SPNS2: variants seen among roughly 807,000 people sequenced by gnomAD.
SPNS2 encodes sphingosine-1-phosphate transporter SPNS2.
SPNS2 carries 37 observed loss-of-function variants against 57.6 expected under a neutral mutation model. The observed-to-expected ratio is 0.64, with a 90% CI of 0.49 to 0.85. The LOEUF (loss-of-function observed/expected upper bound fraction) is 0.85. Among genes scored for constraint, SPNS2 ranks in the 40% least tolerant of loss-of-function variants. The pLI is 0.00. For missense variants in SPNS2, 831 were observed against 779.1 expected, an observed-to-expected ratio of 1.07 and a Z score of -0.79; for synonymous variants, 440 against 346.9, an observed-to-expected ratio of 1.27 and a Z score of -2.98.
chr17:4,530,036 C>T lies in SPNS2; in HGVS notation c.574-596C>T, dbSNP rs552919668. Among the ~76,000 whole-genome samples the T allele has an allele frequency of 3.3e-5, 5 of 152,294 alleles. No homozygotes were observed. In the South Asian group the frequency reaches 1.0e-3, roughly 32 times the overall value. ...GGGGACGGAGGGAGCAGGTCCACAT[C>T]AAAGGGGTCATGCTACCAGCAGCTG... On this transcript the variant is annotated intron_variant, in intron 3 of 12. Coordinates refer to ENST00000329078, the MANE Select transcript of SPNS2 (RefSeq NM_001124758.3).
In SPNS2 at chr17:4,499,958, G is replaced by T. The variant is rs1432220783; in HGVS notation, c.370+541G>T. On this transcript the variant is annotated intron_variant, in intron 1 of 12. Transcript: ENST00000329078. The surrounding 1 kb of genome is among the most constrained non-coding windows in gnomAD (Gnocchi z 5.2). ...TGTGTGCGCGTGGCGGCGCGGTTGT[G>T]TGTGAGCGCGTGGCTGACAAAGGCT... 6.6e-6 allele frequency among the ~76,000 whole-genome samples: 1 copy of T among 152,182 alleles called. No individual in the cohort carries two copies. The highest frequency in any genetic ancestry group is 1.5e-5 in the Non-Finnish European group (1 of 68,014).
chr17:4,519,706 C>T (rs1178497664), intron 2 of SPNS2, among the ~76,000 whole-genome samples: 1 of 151,146 alleles, frequency 6.6e-6, no homozygotes, highest in Non-Finnish European at 1.5e-5. Flanking sequence ...TCTCCTCAAA[C>T]AAACAAAGAC....
chr17:4,511,959 G>A lies in SPNS2; in HGVS notation c.371-1288G>A, dbSNP rs1238345387. ...CCACTTTTTCCTACTTCCCTGTGGT[G>A]TGACTTTGAGCCCACAGCCTGACTT... On this transcript the variant is annotated intron_variant, in intron 1 of 12. Coordinates refer to ENST00000329078, the MANE Select transcript of SPNS2 (RefSeq NM_001124758.3). This position sits in a 1 kb window ranked among gnomAD's most constrained non-coding sequence, Gnocchi z 4.6. Among the ~76,000 whole-genome samples the A allele has an allele frequency of 1.3e-5, 2 of 152,156 alleles. No individual in the cohort carries two copies. Among genetic ancestry groups the A allele is most frequent in the South Asian group, 2.1e-4 (1 of 4,828 alleles).
At chr17:4,513,539 G>A (rs890566994) in intron 2 of SPNS2, among the ~76,000 whole-genome samples, 1 of 152,214 alleles carries the variant, frequency 6.6e-6, no homozygotes, top group African/African-American at 2.4e-5. Flanking sequence ...GCCCTGAGGG[G>A]CTATGGCAGG....
In SPNS2 at chr17:4,536,827, G is replaced by A. The variant is rs752343587; in HGVS notation, c.1608-73G>A. 48 of 1,291,116 alleles carry A rather than the reference G, an allele frequency of 3.7e-5. 1 individual carries two copies. The highest frequency in any genetic ancestry group is 2.5e-4 in the Middle Eastern group (1 of 4,064). 80.0% of individuals were successfully genotyped at this position (1,291,116 alleles called of 1,614,324 possible). ...TCCGGTCAGCTGGCCCCCACGACAC[G>A]ATGTGCCAGAGCAGTGCCCGGGCCC... On this transcript the variant is annotated intron_variant, in intron 11 of 12. Transcript: ENST00000329078.
rs2144316244 is a variant in SPNS2 at position 4,510,518 on chromosome 17, G to T, written c.371-2729G>T. 6.6e-6 allele frequency among the ~76,000 whole-genome samples: 1 copy of T among 152,322 alleles called. No homozygotes were observed. The highest frequency in any genetic ancestry group is 2.1e-4 in the South Asian group (1 of 4,820). On this transcript the variant is annotated intron_variant, in intron 1 of 12. Coordinates refer to ENST00000329078, the MANE Select transcript of SPNS2 (RefSeq NM_001124758.3). This position sits in a 1 kb window ranked among gnomAD's most constrained non-coding sequence, Gnocchi z 4.4. ...GTGTGCCGCTGGATAGCTGGATACTGCAGGGAGGAAGCGAGAGTGCTTTGA... is the reference window on the plus strand; with the variant it reads ...GTGTGCCGCTGGATAGCTGGATACTTCAGGGAGGAAGCGAGAGTGCTTTGA...
chr17:4,505,404 G>A (rs374834346), intron 1 of SPNS2, among the ~76,000 whole-genome samples: 50 of 152,308 alleles, frequency 3.3e-4, no homozygotes, highest in African/African-American at 1.1e-3. Context: ...GGCTGGTGCT[G>A]TCTCTTTGTT....
At position 4,512,654 on chromosome 17, in the gene SPNS2, G is replaced by A. The variant is rs557123285; in HGVS notation, c.371-593G>A. ...ACAGTGTGTGTGTGTGCGTGCGCGC[G>A]CACGGGTATGTGTGTGCGCGCGTGG... On this transcript the variant is annotated intron_variant, in intron 1 of 12. Transcript: ENST00000329078. This position sits in a 1 kb window ranked among gnomAD's most constrained non-coding sequence, Gnocchi z 5.2. 7.2e-5 allele frequency among the ~76,000 whole-genome samples: 11 copies of A among 151,866 alleles called. No homozygotes were observed. Among genetic ancestry groups the A allele is most frequent in the South Asian group, 4.2e-4 (2 of 4,790 alleles).
intron 2 of SPNS2, among the ~76,000 whole-genome samples, chr17:4,522,178 G>A (rs34830727): frequency 0.48 from 73,378 of 152,006 alleles, 19,151 homozygotes; most frequent in Non-Finnish European, 0.6. Flanking sequence ...CAGCCTGGGC[G>A]ACAGAGCGAA....
At chr17:4,517,967 A>G (rs987970714) in intron 2 of SPNS2, among the ~76,000 whole-genome samples, 2 of 152,280 alleles carry the variant, frequency 1.3e-5, no homozygotes, top group African/African-American at 4.8e-5. Context: ...AAAGTGAATT[A>G]GAAGCTAGAT....
rs1257513996 is a variant in SPNS2, at chr17:4,533,451, A to C, written c.1278+19A>C. ...AGCCTATGTGAGTGCAGCGGGGGTC[A>C]AGGGTGCTGGGGGAGCTGGGCCTGG... On this transcript the variant is annotated intron_variant, in intron 8 of 12. Transcript: ENST00000329078. The C allele has an allele frequency of 3.8e-6, 6 of 1,577,346 alleles. No individual in the cohort carries two copies. Among genetic ancestry groups the C allele is most frequent in the Middle Eastern group, 1.7e-4 (1 of 5,918 alleles).
At chr17:4,534,151 G>A (rs939571685) in intron 9 of SPNS2, among the ~76,000 whole-genome samples, 2 of 152,174 alleles carry the variant, frequency 1.3e-5, no homozygotes, top group African/African-American at 4.8e-5. Context: ...CACTGAGGTG[G>A]CGCTGCCTGC....
In SPNS2 at chr17:4,538,142, G is replaced by A. The variant is rs73335850; in HGVS notation, c.*694G>A. On this transcript the variant is annotated 3_prime_UTR_variant, in exon 13 of 13. Transcript: ENST00000329078. Reference sequence around the variant, plus strand: ...TTCTGACAAGCTGGCATCACCAGGGGTGAAGGCCCTGGCTGCAGCTGTACA... The same window carrying A: ...TTCTGACAAGCTGGCATCACCAGGGATGAAGGCCCTGGCTGCAGCTGTACA... The A allele has an allele frequency of 0.014, 4,187 of 294,322 alleles. 151 individuals carry two copies. Among genetic ancestry groups the A allele is most frequent in the African/African-American group, 0.085 (3,899 of 46,130 alleles). 18.2% of individuals were successfully genotyped at this position (294,322 alleles called of 1,614,324 possible). A position where few individuals can be genotyped will look rare whatever the true frequency, so the allele number is the denominator to read the frequency against.
chr17:4,499,012 C>T lies in SPNS2; in HGVS notation c.-36C>T, dbSNP rs1024330354. On this transcript the variant is annotated 5_prime_UTR_variant, in exon 1 of 13. Transcript: ENST00000329078. This position sits in a 1 kb window ranked among gnomAD's most constrained non-coding sequence, Gnocchi z 5.2. ...GAGCGGGCCCAGCCTGGGCCCCGCG[C>T]CCCCCGCGCCCCCCGCCGCCCCGAT... The T allele has an allele frequency of 2.4e-5, 24 of 986,202 alleles. No homozygotes were observed. The African/African-American group carries it at 3.0e-4, about 12-fold the overall frequency. The allele number at this position is 986,202 out of a possible 1,614,324, so 61.1% of individuals were successfully genotyped here. A position where few individuals can be genotyped will look rare whatever the true frequency, so the allele number is the denominator to read the frequency against.
At chr17:4,534,805 CCA>C (rs77354906) in intron 9 of SPNS2, among the ~76,000 whole-genome samples, 18,415 of 151,976 alleles carry the variant, frequency 0.12, 2,160 homozygotes, top group African/African-American at 0.31. Context: ...CTGCACAGGC[CCA>C]GAGTGAAGGG....
chr17:4,513,326 C>T lies in SPNS2; in HGVS notation c.436+14C>T, dbSNP rs1030835532. The T allele has an allele frequency of 5.0e-6, 8 of 1,613,166 alleles. No individual in the cohort carries two copies. The highest frequency in any genetic ancestry group is 1.3e-5 in the African/African-American group (1 of 74,914). On this transcript the variant is annotated intron_variant, in intron 2 of 12. Coordinates refer to ENST00000329078, the MANE Select transcript of SPNS2 (RefSeq NM_001124758.3). ...TGCTGCAGTCAGGTGAGGCCCACCT[C>T]CCACCTTCCCCCCCACGCCCAGGCG...
In SPNS2 at chr17:4,533,374, C is replaced by T. The variant is rs1375857402; in HGVS notation, c.1220C>T (p.Ser407Phe). The T allele has an allele frequency of 2.5e-6, 4 of 1,611,052 alleles. No homozygotes were observed. Among genetic ancestry groups the T allele is most frequent in the East Asian group, 2.2e-5 (1 of 44,838 alleles). ...PLVCAVGMLG[S>F]AIFICLIFVA... ...GTGTGTGCCGTGGGCATGCTGGGCT[C>T]TGCCATCTTCATCTGCCTGATCTTC... Residue 407 changes from serine (S) to phenylalanine (F), a missense_variant, in exon 8 of 13, where the codon TCT becomes TTT. Coordinates refer to ENST00000329078, the MANE Select transcript of SPNS2 (RefSeq NM_001124758.3).
chr17:4,518,471 C>T (rs899999366), intron 2 of SPNS2, among the ~76,000 whole-genome samples: 5 of 152,150 alleles, frequency 3.3e-5, no homozygotes, highest in Non-Finnish European at 5.9e-5. Context: ...TGCAGTGAGC[C>T]GAGATCGCGC....
In SPNS2 at chr17:4,535,421, T is replaced by C. The variant is rs189269136; in HGVS notation, c.1345-655T>C. ...GATGGGTCTTTAGCTTGATGGGAGG[T>C]GAGGACAAATGGCTGTGGCGGGGGT... is the stretch of plus-strand genomic sequence containing the variant. On this transcript the variant is annotated intron_variant, in intron 9 of 12. Transcript: ENST00000329078. Among the ~76,000 whole-genome samples, 239 of 151,908 alleles carry C rather than the reference T, an allele frequency of 1.6e-3. 3 individuals are homozygous for C. In the Middle Eastern group the frequency reaches 0.02, roughly 13 times the overall value.
Sources: allele counts gnomAD v4.1 joint callset (sites outside exome capture counted in the v4.1 genomes callset), GRCh38; gene constraint gnomAD v4.1.1; non-coding constraint Gnocchi (gnomAD v3.1); transcripts MANE v1.5; gene names NCBI Gene and HGNC (gene_info 2026-07-23, HGNC 2026-07-21).